Variants in NIPBL observed in about 807,000 individuals in gnomAD.
NIPBL encodes the protein nipped-B-like protein.
In NIPBL, 19 loss-of-function variants were observed where a neutral mutation model predicts 321.8. The ratio of observed to expected loss-of-function variants is 0.06; its 90% CI spans 0.04 to 0.09. NIPBL has a LOEUF of 0.09. NIPBL is among the 10% of genes least tolerant of loss of function. The probability of loss-of-function intolerance (pLI) is 1.00; values close to 1 mark genes in which losing one functional copy is unlikely to be tolerated. For synonymous variants in NIPBL, 1,106 were observed against 1,114.1 expected (o/e 0.99, Z 0.14); for missense variants, 2,210 against 3,327.0 (o/e 0.66, Z 8.26).
intron 46 of NIPBL, 130 bp downstream of exon 46, chr5:37,064,108 T>TA (rs1161585335): frequency 3.6e-5 from 52 of 1,460,922 alleles, no homozygotes; most frequent in Middle Eastern, 2.5e-4. Context: ...ATTTTGTAGA[T>TA]AGAGATTCTC....
intron 1 of NIPBL, among the ~76,000 whole-genome samples, chr5:36,887,367 C>T (rs1041090877): frequency 6.6e-5 from 10 of 152,046 alleles, no homozygotes; most frequent in Admixed American, 6.6e-4. Context: ...TAAGTTGGTG[C>T]TAAAAAAAGA....
chr5:36,990,243 C>T (rs985230639), intron 10 of NIPBL, among the ~76,000 whole-genome samples: 2 of 152,292 alleles, frequency 1.3e-5, no homozygotes, highest in Non-Finnish European at 1.5e-5. Flanking sequence ...GCCTTACTAG[C>T]GACAGTGATC....
rs911378272 is a variant in NIPBL, at chr5:36,970,935, T to G, written c.670T>G (p.Ser224Ala). 6.2e-7 allele frequency: 1 copy of G among 1,613,750 alleles called. No individual in the cohort carries two copies. Among genetic ancestry groups the G allele is most frequent in the African/African-American group, 1.3e-5 (1 of 74,904 alleles). Residue 224 changes from serine to alanine, a missense_variant, in exon 7 of 47, where the codon TCT becomes GCT. By Grantham distance (99) the Ser-to-Ala change is moderately conservative (BLOSUM62 1). Coordinates refer to ENST00000282516, the MANE Select transcript of NIPBL (RefSeq NM_133433.4). ...GAGAAACATACATGATAATAAAGTT[T>G]CTGGTCCGTTGTCTGGCAATTCAGC... ...GLRNIHDNKV[S>A]GPLSGNSANH...
chr5:36,936,827 A>G (rs1738480252), intron 1 of NIPBL, among the ~76,000 whole-genome samples: 1 of 151,950 alleles, frequency 6.6e-6, no homozygotes, highest in African/African-American at 2.4e-5. Flanking sequence ...TCATTGGATT[A>G]TATTGAAGAT....
At chr5:37,038,465 A>G in intron 33 of NIPBL, 137 bp from the exon 34 acceptor site, 3 of 660,106 alleles carry the variant, frequency 4.5e-6, no homozygotes, top group Non-Finnish European at 7.7e-6. Flanking sequence ...TAGTATCATA[A>G]GAACTACTAA....
intron 2 of NIPBL, 119 bp downstream of exon 2, chr5:36,953,879 A>G (rs1740662834): frequency 2.3e-6 from 2 of 864,110 alleles, no homozygotes; most frequent in East Asian, 5.2e-5. Flanking sequence ...ATAGCAACTG[A>G]AACTGCCCTT....
chr5:36,916,871 G>A (rs1165262558), intron 1 of NIPBL, among the ~76,000 whole-genome samples: 1 of 152,126 alleles, frequency 6.6e-6, no homozygotes, highest in Non-Finnish European at 1.5e-5. Flanking sequence ...TGGTGTATAT[G>A]TGCCACATTT....
At chr5:37,010,000 C>A in intron 20 of NIPBL, 87 bp from the exon 21 acceptor site, 1 of 1,025,330 alleles carries the variant, frequency 9.8e-7, no homozygotes, top group Non-Finnish European at 1.5e-6. Context: ...TATTGGCAAA[C>A]ACAGTATCGT....
chr5:37,060,980 G>A lies in NIPBL; in HGVS notation c.7822G>A (p.Glu2608Lys), dbSNP rs778625623. 1 of 1,614,096 alleles carries A rather than the reference G, an allele frequency of 6.2e-7. No individual in the cohort carries two copies. Among genetic ancestry groups the A allele is most frequent in the South Asian group, 1.1e-5 (1 of 91,080 alleles). The change falls in exon 45 of 47, where the codon GAA (glutamate) becomes AAA (lysine). Residue 2608 changes from glutamate (E) to lysine (K), a missense_variant. By Grantham distance (56) the Glu-to-Lys change is moderately conservative. Transcript: ENST00000282516. Reference sequence around the variant, plus strand: ...TGACATGGCTAATTCCAAAATCACAGAAGAGGTGAAAAGGAGTATAGTAAA... The same window carrying A: ...TGACATGGCTAATTCCAAAATCACAAAAGAGGTGAAAAGGAGTATAGTAAA... ...RSDMANSKIT[E>K]EVKRSIVKQY...
At chr5:36,959,035 G>T (rs1410882872) in intron 4 of NIPBL, among the ~76,000 whole-genome samples, 1 of 151,990 alleles carries the variant, frequency 6.6e-6, no homozygotes, top group Non-Finnish European at 1.5e-5. Context: ...GTGAAAACCT[G>T]TCTCTACAAA....
At chr5:36,936,404 G>A (rs1561049871) in intron 1 of NIPBL, among the ~76,000 whole-genome samples, 2 of 152,070 alleles carry the variant, frequency 1.3e-5, no homozygotes, top group Non-Finnish European at 2.9e-5. Flanking sequence ...AGTTGGCTAC[G>A]TATACAGTAC....
chr5:37,043,860 C>T (rs899173302), intron 34 of NIPBL, among the ~76,000 whole-genome samples: 10 of 152,090 alleles, frequency 6.6e-5, no homozygotes, highest in Non-Finnish European at 1.5e-4. Context: ...AAGCAGCATC[C>T]CTGGCCTCTA....
intron 1 of NIPBL, among the ~76,000 whole-genome samples, chr5:36,924,646 G>A (rs1714223182): frequency 6.6e-6 from 1 of 152,124 alleles, no homozygotes; most frequent in African/African-American, 2.4e-5. Context: ...TTGGATGATT[G>A]CCATGAAAAT....
chr5:36,953,904 A>G, intron 2 of NIPBL, 144 bp downstream of exon 2: 1 of 685,466 alleles, frequency 1.5e-6, no homozygotes, highest in South Asian at 1.7e-5. Context: ...GAAAAAAAAA[A>G]TTGATAGCCT....
intron 5 of NIPBL, 146 bp from the exon 6 acceptor site, chr5:36,961,977 T>C (rs1741676742): frequency 1.8e-5 from 16 of 914,148 alleles, no homozygotes; most frequent in Non-Finnish European, 2.7e-5. Context: ...TTGTATGTTA[T>C]TTGACTATTT....
chr5:36,885,729 A>G (rs1285915064), intron 1 of NIPBL: 1 of 594,722 alleles, frequency 1.7e-6, no homozygotes, highest in Admixed American at 2.0e-5. Context: ...GCCATGTGCC[A>G]GTCTGTAGAG....
At position 37,007,250 on chromosome 5, in the gene NIPBL, A is replaced by C. The variant is rs1306008265; in HGVS notation, c.4088-73A>C. The stretch of plus-strand genomic sequence containing the variant: ...AAATTGTGTTCTCTTAATTCAAAAA[A>C]CAGTTTGAGTACTGTTTATTAAAAA... On this transcript the variant is annotated intron_variant, in intron 17 of 46. Coordinates refer to ENST00000282516, the MANE Select transcript of NIPBL (RefSeq NM_133433.4). 4 of 1,329,156 alleles carry C rather than the reference A, an allele frequency of 3.0e-6. No homozygotes were observed. The African/African-American group carries it at 4.4e-5, about 15-fold the overall frequency. 82.3% of individuals were successfully genotyped at this position (1,329,156 alleles called of 1,614,324 possible).
chr5:36,945,332 G>A (rs1287512484), intron 1 of NIPBL, among the ~76,000 whole-genome samples: 1 of 152,100 alleles, frequency 6.6e-6, no homozygotes, highest in Non-Finnish European at 1.5e-5. Context: ...TTAAAGTTAT[G>A]TGAAGTTTTA....
chr5:36,976,700 A>G (rs1162834326), intron 9 of NIPBL, among the ~76,000 whole-genome samples: 1 of 152,134 alleles, frequency 6.6e-6, no homozygotes, highest in Non-Finnish European at 1.5e-5. Flanking sequence ...GCATTTCTAT[A>G]TAACATGTAT....
Sources: gnomAD v4.1 joint callset for allele counts (sites outside exome capture counted in the v4.1 genomes callset) on GRCh38, gnomAD v4.1.1 for gene constraint, MANE v1.5 for transcripts, NCBI Gene and HGNC (gene_info 2026-07-23, HGNC 2026-07-21) for gene names.